Variants in LARGE1 observed in about 807,000 individuals in gnomAD.
LARGE1 encodes LARGE xylosyl- and glucuronyltransferase 1, also known as xylosyl- and glucuronyltransferase LARGE1.
Under a neutral mutation model 87.6 loss-of-function variants are expected in LARGE1, and 43 were observed. The ratio of observed to expected loss-of-function variants is 0.49; its 90% CI spans 0.38 to 0.63. The LOEUF (loss-of-function observed/expected upper bound fraction) is 0.63. Among genes scored for constraint, LARGE1 ranks in the 30% least tolerant of loss-of-function variants. The pLI is 0.00. For synonymous variants in LARGE1, 434 were observed against 394.6 expected (o/e 1.10, Z -1.18); for missense variants, 802 against 1,000.2 (o/e 0.80, Z 2.67).
chr22:33,359,560 C>CTTTTTTTTTT (rs539990533), intron 9 of LARGE1, among the ~76,000 whole-genome samples: 12 of 119,238 alleles, frequency 1.0e-4, no homozygotes, highest in African/African-American at 3.4e-4. Flanking sequence ...GCAGACTCAT[C>CTTTTTTTTTT]TTTTTTTTTT....
the LARGE1 span, among the ~76,000 whole-genome samples, chr22:33,148,208 AT>A: frequency 6.6e-6 from 1 of 152,208 alleles, no homozygotes; most frequent in South Asian, 2.1e-4. Flanking sequence ...CTGGAGCCAA[AT>A]AAACTTCTGT....
chr22:33,132,372 C>T, the LARGE1 span, among the ~76,000 whole-genome samples: 2 of 151,198 alleles, frequency 1.3e-5, no homozygotes, highest in South Asian at 2.1e-4. Flanking sequence ...TTTGTAGAGA[C>T]GGGGTTTCAC....
intron 1 of LARGE1, among the ~76,000 whole-genome samples, chr22:33,773,429 G>A (rs1158171075): frequency 6.6e-6 from 1 of 152,256 alleles, no homozygotes; most frequent in Non-Finnish European, 1.5e-5. Flanking sequence ...TCTGGCTGCA[G>A]AGAAACATGT....
intron 4 of LARGE1, among the ~76,000 whole-genome samples, chr22:33,617,052 C>T (rs2079602064): frequency 6.6e-6 from 1 of 152,186 alleles, no homozygotes; most frequent in Non-Finnish European, 1.5e-5. Context: ...TGCTCTGCTT[C>T]TGTTTCTGGG....
chr22:33,130,110 C>T, the LARGE1 span, among the ~76,000 whole-genome samples: 3 of 151,632 alleles, frequency 2.0e-5, no homozygotes, highest in East Asian at 1.9e-4. Context: ...GTCAGGAGAT[C>T]GAGACCATAC....
At position 33,920,182 on chromosome 22, in the gene LARGE1, TC is replaced by T. The variant is rs1317669086; in HGVS notation, c.-271del. The T allele has an allele frequency of 6.6e-6, 1 of 151,666 alleles. No homozygotes were observed. The highest frequency in any genetic ancestry group is 1.5e-5 in the Non-Finnish European group (1 of 68,174). 9.4% of individuals were successfully genotyped at this position (151,666 alleles called of 1,614,324 possible). ...CCAAATGCCGCGGCGAGGGTCCGGG[TC>T]CCCCAAGCTGAGCACTGTCCCTTCT... On this transcript the variant is annotated 5_prime_UTR_variant, in exon 1 of 15. The change creates a premature stop within an existing upstream ORF in the 5' untranslated region. Coordinates refer to ENST00000397394, the MANE Select transcript of LARGE1 (RefSeq NM_133642.5).
At chr22:33,309,189 C>G (rs1413435529) in intron 11 of LARGE1, among the ~76,000 whole-genome samples, 1 of 148,954 alleles carries the variant, frequency 6.7e-6, no homozygotes, top group Admixed American at 6.7e-5. Flanking sequence ...TTTTTTGAGA[C>G]TGAGTCTCAC....
At chr22:33,855,064 G>A (rs939621031) in intron 1 of LARGE1, among the ~76,000 whole-genome samples, 2 of 152,208 alleles carry the variant, frequency 1.3e-5, no homozygotes, top group Non-Finnish European at 2.9e-5. Flanking sequence ...GCTGGGCACG[G>A]TGGCTCACGC....
intron 1 of LARGE1, among the ~76,000 whole-genome samples, chr22:33,840,237 C>T (rs942682827): frequency 1.3e-5 from 2 of 152,106 alleles, no homozygotes; most frequent in Non-Finnish European, 2.9e-5. Context: ...CAAGAAAATG[C>T]ACATCCCCTC....
the LARGE1 span, among the ~76,000 whole-genome samples, chr22:33,135,239 C>T: frequency 6.6e-6 from 1 of 152,018 alleles, no homozygotes; most frequent in African/African-American, 2.4e-5. Context: ...CTGAGTAAGG[C>T]TGGGTTGGAT....
chr22:33,900,685 C>G (rs2065258955), intron 1 of LARGE1, among the ~76,000 whole-genome samples: 1 of 152,148 alleles, frequency 6.6e-6, no homozygotes. Context: ...AGGGCCTTTA[C>G]AGAGATAATC....
intron 2 of LARGE1, among the ~76,000 whole-genome samples, chr22:33,719,675 A>C (rs781224801): frequency 2.0e-5 from 3 of 151,824 alleles, no homozygotes; most frequent in Admixed American, 6.6e-5. Flanking sequence ...TGCCCACCAC[A>C]ACGCCTGGCT....
intron 3 of LARGE1, among the ~76,000 whole-genome samples, chr22:33,629,872 C>T (rs558946899): frequency 2.0e-5 from 3 of 152,050 alleles, no homozygotes; most frequent in Admixed American, 1.3e-4. Context: ...GTTCGAGACC[C>T]GCCTGGCCAA....
chr22:33,217,238 C>CAAAA (rs137458), intron 11 of LARGE1, among the ~76,000 whole-genome samples: 72 of 131,338 alleles, frequency 5.5e-4, no homozygotes, highest in African/African-American at 2.0e-3. Flanking sequence ...TATCTAACAG[C>CAAAA]AAAAAAAAAA....
intron 1 of LARGE1, among the ~76,000 whole-genome samples, chr22:33,785,058 T>TAC (rs2085568313): frequency 7.0e-6 from 1 of 143,646 alleles, no homozygotes; most frequent in South Asian, 2.2e-4. Context: ...CATACATGTG[T>TAC]ATATAGATAT....
chr22:33,539,732 A>AGGAATGTG (rs61655316), intron 6 of LARGE1, among the ~76,000 whole-genome samples: 2 of 151,538 alleles, frequency 1.3e-5, no homozygotes, highest in African/African-American at 4.9e-5. Context: ...CTGGGACCAC[A>AGGAATGTG]CCCACCTGGC....
chr22:33,412,112 C>T (rs1197389651), intron 7 of LARGE1, among the ~76,000 whole-genome samples: 6 of 152,052 alleles, frequency 3.9e-5, no homozygotes, highest in South Asian at 4.2e-4. Context: ...GGCAAAATCC[C>T]GTCTCTACTA....
chr22:33,825,369 C>A (rs2062749925), intron 1 of LARGE1, among the ~76,000 whole-genome samples: 1 of 125,644 alleles, frequency 8.0e-6, no homozygotes, highest in Admixed American at 7.9e-5. Flanking sequence ...AAAAGACATA[C>A]CCGAGACTGG....
At chr22:33,210,945 A>C (rs988376780) in intron 11 of LARGE1, among the ~76,000 whole-genome samples, 4 of 152,184 alleles carry the variant, frequency 2.6e-5, no homozygotes, top group African/African-American at 9.7e-5. Context: ...ACTTTGCTTT[A>C]TTGAACTTTG....
Sources: allele counts gnomAD v4.1 joint callset (sites outside exome capture counted in the v4.1 genomes callset), GRCh38; gene constraint gnomAD v4.1.1; transcripts MANE v1.5; gene names NCBI Gene and HGNC (gene_info 2026-07-23, HGNC 2026-07-21).